The following MSI2 variants were observed in gnomAD, a reference collection of about 807,000 sequenced individuals.
The protein encoded by MSI2 is RNA-binding protein Musashi homolog 2.
In MSI2, 17 loss-of-function variants were observed where a neutral mutation model predicts 45.6. The observed-to-expected ratio is 0.37, with a 90% CI of 0.26 to 0.56. The LOEUF is 0.56. MSI2 is among the 20% of genes least tolerant of loss of function. The pLI is 0.77. For synonymous variants in MSI2, 156 were observed against 158.2 expected, an observed-to-expected ratio of 0.99 and a Z score of 0.11; for missense variants, 293 against 444.2, an observed-to-expected ratio of 0.66 and a Z score of 3.06.
intron 5 of MSI2, among the ~76,000 whole-genome samples, chr17:57,383,120 A>G (rs2083625937): frequency 6.6e-6 from 1 of 152,256 alleles, no homozygotes; most frequent in Non-Finnish European, 1.5e-5. Flanking sequence ...ACAGAGACCC[A>G]GAGACTTAAT....
At chr17:57,502,729 T>G (rs183871595) in intron 6 of MSI2, among the ~76,000 whole-genome samples, 17 of 150,040 alleles carry the variant, frequency 1.1e-4, no homozygotes, top group African/African-American at 4.2e-4. Flanking sequence ...GAGGTCCTGA[T>G]GAGGCTGTTT....
intron 6 of MSI2, among the ~76,000 whole-genome samples, chr17:57,458,502 T>C (rs2085160488): frequency 6.6e-6 from 1 of 152,222 alleles, no homozygotes; most frequent in South Asian, 2.1e-4. Context: ...AGGAAAGAAC[T>C]CTGGGTCACT....
intron 11 of MSI2, among the ~76,000 whole-genome samples, chr17:57,673,815 A>G (rs1396804684): frequency 6.6e-6 from 1 of 152,056 alleles, no homozygotes; most frequent in African/African-American, 2.4e-5. Context: ...TAGCAAAGGT[A>G]CATCCTGAGC....
chr17:57,332,100 ATTTTTT>A (rs138835359), intron 5 of MSI2, among the ~76,000 whole-genome samples: 1 of 136,432 alleles, frequency 7.3e-6, no homozygotes, highest in Non-Finnish European at 1.6e-5. Flanking sequence ...TCATGTTGCC[ATTTTTT>A]TTTTTTTTTT....
intron 6 of MSI2, among the ~76,000 whole-genome samples, chr17:57,501,044 T>C (rs1485911942): frequency 3.3e-5 from 5 of 152,186 alleles, no homozygotes; most frequent in Admixed American, 3.3e-4. Context: ...TCCATGTGTG[T>C]AAATGCTCTG....
chr17:57,396,540 C>CAAAAAGCCAGCTCTCTGTT (rs1186955176), intron 5 of MSI2, among the ~76,000 whole-genome samples: 1 of 152,062 alleles, frequency 6.6e-6, no homozygotes, highest in Non-Finnish European at 1.5e-5. Context: ...TTTTTTAACT[C>CAAAAAGCCAGCTCTCTGTT]AAAAAGCCAG....
intron 6 of MSI2, among the ~76,000 whole-genome samples, chr17:57,431,640 T>C (rs1011480581): frequency 6.6e-6 from 1 of 152,212 alleles, no homozygotes; most frequent in Non-Finnish European, 1.5e-5. Flanking sequence ...CCCCTGGAGC[T>C]GTTTGTCCAA....
At chr17:57,679,489 T>C in intron 13 of MSI2, 60 bp from the exon 14 acceptor site, 1 of 938,982 alleles carries the variant, frequency 1.1e-6, no homozygotes, top group Non-Finnish European at 1.3e-6. Context: ...TTCTTTCTCC[T>C]CCCCTCTCCC....
intron 6 of MSI2, among the ~76,000 whole-genome samples, chr17:57,425,746 C>T (rs143489895): frequency 4.7e-3 from 717 of 152,348 alleles, no homozygotes; most frequent in Non-Finnish European, 7.2e-3. Context: ...TCCTGCAATA[C>T]TTTTGACCTA....
chr17:57,495,548 A>AAAAAAAAG (rs1555613511), intron 6 of MSI2, among the ~76,000 whole-genome samples: 3 of 145,298 alleles, frequency 2.1e-5, no homozygotes, highest in South Asian at 4.4e-4. Flanking sequence ...AAAAAAAAAA[A>AAAAAAAAG]AAAAGAAAGC....
At chr17:57,256,894 C>T in intron 1 of MSI2, 90 bp downstream of exon 1, 1 of 904,406 alleles carries the variant, frequency 1.1e-6, no homozygotes, top group Non-Finnish European at 1.6e-6. Context: ...GGGCATCTCC[C>T]GCGCCCCCCC....
intron 6 of MSI2, among the ~76,000 whole-genome samples, chr17:57,417,641 C>T (rs2084320080): frequency 6.6e-6 from 1 of 152,114 alleles, no homozygotes; most frequent in African/African-American, 2.4e-5. Flanking sequence ...AGAACCTCAG[C>T]GAACATTAGT....
At chr17:57,406,542 A>G (rs1033052794) in intron 6 of MSI2, among the ~76,000 whole-genome samples, 1 of 152,182 alleles carries the variant, frequency 6.6e-6, no homozygotes, top group Non-Finnish European at 1.5e-5. Flanking sequence ...TCGCTAGGTA[A>G]TTCTCGCTTT....
chr17:57,607,541 A>G (rs1373250367), intron 8 of MSI2, among the ~76,000 whole-genome samples: 1 of 152,214 alleles, frequency 6.6e-6, no homozygotes, highest in Non-Finnish European at 1.5e-5. Context: ...GTCCCTGTCC[A>G]CAAGGACAGT....
chr17:57,328,172 T>C (rs1913965475), intron 5 of MSI2, among the ~76,000 whole-genome samples: 1 of 152,210 alleles, frequency 6.6e-6, no homozygotes, highest in South Asian at 2.1e-4. Context: ...GTGCCTGTAT[T>C]GGCTTCTGTC....
chr17:57,507,665 G>A (rs191834011), intron 6 of MSI2, among the ~76,000 whole-genome samples: 368 of 150,364 alleles, frequency 2.4e-3, no homozygotes, highest in African/African-American at 8.7e-3. Flanking sequence ...CCTGACCCCC[G>A]CCTCACCAAA....
intron 10 of MSI2, among the ~76,000 whole-genome samples, chr17:57,639,474 A>T (rs940816151): frequency 6.6e-6 from 1 of 152,180 alleles, no homozygotes; most frequent in African/African-American, 2.4e-5. Flanking sequence ...TCCCGGACAC[A>T]TGCTTTGTGA....
intron 8 of MSI2, among the ~76,000 whole-genome samples, chr17:57,614,779 A>C (rs1024326594): frequency 1.3e-5 from 2 of 152,196 alleles, no homozygotes; most frequent in African/African-American, 4.8e-5. Flanking sequence ...ACAGTGAAGG[A>C]GCTTCCGAGG....
At chr17:57,344,999 C>T (rs1915485077) in intron 5 of MSI2, among the ~76,000 whole-genome samples, 1 of 152,034 alleles carries the variant, frequency 6.6e-6, no homozygotes, top group South Asian at 2.1e-4. Context: ...GGAGGTGGAG[C>T]TTGCAGTGAG....
Sources: allele counts gnomAD v4.1 joint callset (sites outside exome capture counted in the v4.1 genomes callset), GRCh38; gene constraint gnomAD v4.1.1; transcripts MANE v1.5; gene names NCBI Gene and HGNC (gene_info 2026-07-23, HGNC 2026-07-21).